The following MGST2 variants were observed in gnomAD, a reference collection of about 807,000 sequenced individuals.
The protein encoded by MGST2 is microsomal glutathione S-transferase 2.
MGST2 carries 9 observed loss-of-function variants against 16.6 expected under a neutral mutation model. The ratio of observed to expected loss-of-function variants is 0.54; its 90% CI spans 0.33 to 0.95. The LOEUF (loss-of-function observed/expected upper bound fraction) is 0.95. Ranked by LOEUF, MGST2 falls within the 40% of genes least tolerant of loss-of-function variation. The probability of loss-of-function intolerance (pLI) is 0.03; values close to 1 mark genes in which losing one functional copy is unlikely to be tolerated. For synonymous variants in MGST2, 79 were observed against 68.0 expected, an observed-to-expected ratio of 1.16 and a Z score of -0.79; for missense variants, 159 against 175.1, an observed-to-expected ratio of 0.91 and a Z score of 0.52.
chr4:139,740,855 G>C (rs1324411913), downstream of MGST2: 1 of 152,502 alleles, frequency 6.6e-6, no homozygotes, highest in Non-Finnish European at 1.5e-5. Flanking sequence ...GCCTTGGGAG[G>C]GGGGCTGAGA....
intron 2 of MGST2, among the ~76,000 whole-genome samples, chr4:139,680,310 T>A (rs980320894): frequency 4.6e-5 from 7 of 152,210 alleles, no homozygotes; most frequent in African/African-American, 1.7e-4. Context: ...CTTGTGCAAT[T>A]TTTTTTCCCT....
Position 139,665,897 on chromosome 4 carries a change from T to G in MGST2, c.-123T>G. Reference sequence around the variant, plus strand: ...CCAGAGCAAAGGTCATTCAGCCGCTTGAATCAGCCTTTTCCCCCCACCCGG... The same window carrying G: ...CCAGAGCAAAGGTCATTCAGCCGCTGGAATCAGCCTTTTCCCCCCACCCGG... On this transcript the variant is annotated 5_prime_UTR_variant, in exon 1 of 5. Transcript: ENST00000265498. 1 of 942,376 alleles carries G rather than the reference T, an allele frequency of 1.1e-6. No homozygotes were observed. Among genetic ancestry groups the G allele is most frequent in the Middle Eastern group, 2.2e-4 (1 of 4,628 alleles). 58.4% of individuals were successfully genotyped at this position (942,376 alleles called of 1,614,324 possible). A position where few individuals can be genotyped will look rare whatever the true frequency, so the allele number is the denominator to read the frequency against.
chr4:139,707,322 A>G (rs1205710481), downstream of MGST2, among the ~76,000 whole-genome samples: 2 of 151,764 alleles, frequency 1.3e-5, no homozygotes, highest in African/African-American at 4.8e-5. Context: ...TGTCCTTGTG[A>G]TAGTTTGCTG....
chr4:139,692,662 A>G (rs1040229770), intron 2 of MGST2, among the ~76,000 whole-genome samples: 1 of 152,232 alleles, frequency 6.6e-6, no homozygotes, highest in Admixed American at 6.5e-5. Flanking sequence ...CTGGTTTCCC[A>G]TTAGGTGTGA....
In MGST2 at chr4:139,735,073, G is replaced by T. The variant is rs1412849206; in HGVS notation, c.*49-5139G>T. 6.6e-6 allele frequency among the ~76,000 whole-genome samples: 1 copy of T among 152,136 alleles called. No homozygotes were observed. Among genetic ancestry groups the T allele is most frequent in the East Asian group, 1.9e-4 (1 of 5,172 alleles). On this transcript the variant is annotated intron_variant, in intron 5 of 5. Transcript: ENST00000616265. The surrounding 1 kb of genome is among the most constrained non-coding windows in gnomAD (Gnocchi z 5.8). ...AATCAGGGCTCCCGCCCGCCCCTCC[G>T]CGGCCCCCGCCCCGCGCGTCTGGGC...
At position 139,703,513 on chromosome 4, in the gene MGST2, A is replaced by G. The variant is rs767447080; in HGVS notation, c.288A>G (p.Gly96=). The change falls in exon 4 of 5, where the codon GGA becomes GGG. Residue 96 remains glycine, a synonymous_variant. Transcript: ENST00000265498. ...ATGGCCGTCACCTATACTTCTGGGG[A>G]TATTCAGAAGCTGCTAAAAAACGGT... ...YIYGRHLYFW[G]YSEAAKKRIT... 6 of 1,613,548 alleles carry G rather than the reference A, an allele frequency of 3.7e-6. No homozygotes were observed. The highest frequency in any genetic ancestry group is 3.3e-5 in the South Asian group (3 of 91,072).
At chr4:139,686,165 G>A (rs553709780) in intron 2 of MGST2, among the ~76,000 whole-genome samples, 1 of 152,166 alleles carries the variant, frequency 6.6e-6, no homozygotes, top group Non-Finnish European at 1.5e-5. Context: ...GTGTGGTGGG[G>A]TGGGAGCAGG....
Position 139,720,014 on chromosome 4 carries a change from A to G in MGST2, c.*48+15818A>G, listed in dbSNP as rs559193747. ...CTGACCAAAGCCACTCACCATTCCAACCCCCTGCCCAGAGGCAGGTTGCCT... is the reference window on the plus strand; with the variant it reads ...CTGACCAAAGCCACTCACCATTCCAGCCCCCTGCCCAGAGGCAGGTTGCCT... On this transcript the variant is annotated intron_variant, in intron 5 of 5. Transcript: ENST00000616265. 35 of 1,613,778 alleles carry G rather than the reference A, an allele frequency of 2.2e-5. 1 individual carries two copies. The South Asian group carries it at 3.8e-4, about 18-fold the overall frequency.
intron 1 of MGST2, among the ~76,000 whole-genome samples, chr4:139,674,912 C>T (rs749535051): frequency 3.3e-5 from 5 of 152,152 alleles, no homozygotes; most frequent in Non-Finnish European, 7.3e-5. Context: ...ATTTTCCTTT[C>T]ATGAGGTTTA....
At chr4:139,698,352 A>C in intron 3 of MGST2, 1 of 1,601,340 alleles carries the variant, frequency 6.2e-7, no homozygotes, top group Non-Finnish European at 8.6e-7. Flanking sequence ...CAGACGCTGG[A>C]AGGGAAGTTT....
chr4:139,734,743 T>C (rs951279960), intron 5 of MGST2, among the ~76,000 whole-genome samples: 2 of 152,240 alleles, frequency 1.3e-5, no homozygotes, highest in Non-Finnish European at 2.9e-5. Context: ...GTAGGGAAGC[T>C]TTATTTTTCT....
At chr4:139,700,024 C>T (rs1243393223) in intron 3 of MGST2, among the ~76,000 whole-genome samples, 1 of 151,804 alleles carries the variant, frequency 6.6e-6, no homozygotes, top group African/African-American at 2.4e-5. Flanking sequence ...AGAGTGAGAC[C>T]CTGTCTCAAA....
chr4:139,676,880 T>G (rs1730987510), intron 1 of MGST2, among the ~76,000 whole-genome samples: 2 of 152,256 alleles, frequency 1.3e-5, no homozygotes, highest in African/African-American at 4.8e-5. Flanking sequence ...GGGGGAACTT[T>G]GCATTGTGGA....
chr4:139,751,377 T>G, the MGST2 span, among the ~76,000 whole-genome samples: 1 of 152,196 alleles, frequency 6.6e-6, no homozygotes, highest in Non-Finnish European at 1.5e-5. Context: ...GGGACCCAAG[T>G]CTAAACACAA....
chr4:139,722,591 T>A (rs1728280209), intron 5 of MGST2, among the ~76,000 whole-genome samples: 1 of 152,166 alleles, frequency 6.6e-6, no homozygotes, highest in Non-Finnish European at 1.5e-5. Flanking sequence ...AGTATCCAAC[T>A]TTTTCCTAAA....
intron 1 of MGST2, among the ~76,000 whole-genome samples, chr4:139,671,166 G>A (rs569310629): frequency 1.3e-5 from 2 of 152,210 alleles, no homozygotes; most frequent in African/African-American, 4.8e-5. Flanking sequence ...AAAAGGGAGG[G>A]GGCACAACCA....
At chr4:139,721,082 C>T (rs192741657) in intron 5 of MGST2, among the ~76,000 whole-genome samples, 9 of 152,342 alleles carry the variant, frequency 5.9e-5, no homozygotes, top group African/African-American at 1.7e-4. Flanking sequence ...CTGCTACGTG[C>T]GACTTGGCCA....
chr4:139,743,884 TAATA>T (rs1479015469), downstream of MGST2, among the ~76,000 whole-genome samples: 1 of 152,162 alleles, frequency 6.6e-6, no homozygotes, highest in African/African-American at 2.4e-5. Flanking sequence ...GAGTCCCCAT[TAATA>T]AATAAAAGTA....
intron 2 of MGST2, among the ~76,000 whole-genome samples, chr4:139,685,779 T>C (rs1193987322): frequency 1.3e-5 from 2 of 152,210 alleles, no homozygotes; most frequent in African/African-American, 2.4e-5. Flanking sequence ...TTCTCTTGCC[T>C]CAGCCTCCCC....
Sources: gnomAD v4.1 joint callset for allele counts (sites outside exome capture counted in the v4.1 genomes callset) on GRCh38, gnomAD v4.1.1 for gene constraint, Gnocchi (gnomAD v3.1) non-coding constraint, MANE v1.5 for transcripts, NCBI Gene and HGNC (gene_info 2026-07-23, HGNC 2026-07-21) for gene names.